Variants in RYR2 observed in about 807,000 individuals in gnomAD.
The protein encoded by RYR2 is cardiac muscle ryanodine receptor-calcium release channel.
Under a neutral mutation model 601.1 loss-of-function variants are expected in RYR2, and 227 were observed. That is an observed-to-expected ratio of 0.38 (90% CI 0.34 to 0.42). The LOEUF (loss-of-function observed/expected upper bound fraction) is 0.42, where lower values mean the gene tolerates loss of function less well. RYR2 is among the 10% of genes least tolerant of loss of function. The probability of loss-of-function intolerance (pLI) is 1.00; values close to 1 mark genes in which losing one functional copy is unlikely to be tolerated. For synonymous variants in RYR2, 2,223 were observed against 2,175.1 expected, an observed-to-expected ratio of 1.02 and a Z score of -0.61; for missense variants, 4,646 against 6,156.5, an observed-to-expected ratio of 0.75 and a Z score of 8.21.
intron 101 of RYR2, among the ~76,000 whole-genome samples, chr1:237,820,581 G>A (rs1662368629): frequency 6.6e-6 from 1 of 152,192 alleles, no homozygotes; most frequent in African/African-American, 2.4e-5. Flanking sequence ...TGGGTTTCAA[G>A]CACAAAACTG....
chr1:237,565,157 C>CTCCTTCTT (rs1671867549), intron 27 of RYR2, among the ~76,000 whole-genome samples: 1 of 52,868 alleles, frequency 1.9e-5, no homozygotes, highest in African/African-American at 4.8e-5. Flanking sequence ...TTCTTTCTTT[C>CTCCTTCTT]TCTTTCTTTC....
rs563091152 is a variant in RYR2 at position 237,503,413 on chromosome 1, A to G, written c.2521A>G (p.Lys841Glu). 13 of 1,613,962 alleles carry G rather than the reference A, an allele frequency of 8.1e-6. No homozygotes were observed. The Admixed American group carries it at 1.3e-4, about 17-fold the overall frequency. The change falls in exon 22 of 105, where the codon AAG (lysine) becomes GAG (glutamate). Residue 841 changes from lysine to glutamate, a missense_variant. By Grantham distance (56) the Lys-to-Glu change is moderately conservative. Around this residue, in one of 17 missense-constraint regions of RYR2, gnomAD observed 1,807 missense variants for 2,088.1 expected, o/e 0.87. Coordinates refer to ENST00000366574, the MANE Select transcript of RYR2 (RefSeq NM_001035.3). The part of the protein sequence containing the change: ...KLKVEHSREY[K>E]QERTYTRDLL... ...GAAAGTGGAACACAGCCGAGAGTAC[A>G]AGCAAGAAAGAACTTACACACGCGA...
At chr1:237,806,347 A>G in intron 99 of RYR2, 64 bp downstream of exon 99, 1 of 1,456,486 alleles carries the variant, frequency 6.9e-7, no homozygotes, top group Non-Finnish European at 9.4e-7. Flanking sequence ...AACAAAGAAA[A>G]ATAAAACTAC....
At chr1:237,204,443 T>G (rs1332176188) in intron 1 of RYR2, among the ~76,000 whole-genome samples, 1 of 152,124 alleles carries the variant, frequency 6.6e-6, no homozygotes, top group Non-Finnish European at 1.5e-5. Flanking sequence ...TGTTGTTGTT[T>G]TTTGACTGTC....
chr1:237,529,760 T>TACACACACACACAC (rs71561882), intron 24 of RYR2, among the ~76,000 whole-genome samples: 6,058 of 134,420 alleles, frequency 0.045, 170 homozygotes, highest in Admixed American at 0.063. Context: ...AATAATATCA[T>TACACACACACACAC]ACACACACAC....
intron 83 of RYR2, 60 bp from the exon 84 acceptor site, chr1:237,760,895 C>T: frequency 9.0e-7 from 1 of 1,104,990 alleles, no homozygotes. Context: ...GTTTGCTCTC[C>T]TGAGCAAAGA....
At chr1:237,385,149 A>C (rs879451349) in intron 8 of RYR2, among the ~76,000 whole-genome samples, 9 of 152,072 alleles carry the variant, frequency 5.9e-5, no homozygotes, top group Non-Finnish European at 1.2e-4. Flanking sequence ...TCAGTCTCCC[A>C]TAGTGCTGTG....
At chr1:237,710,878 A>G (rs1003753477) in intron 70 of RYR2, among the ~76,000 whole-genome samples, 4 of 152,142 alleles carry the variant, frequency 2.6e-5, no homozygotes, top group Non-Finnish European at 5.9e-5. Flanking sequence ...TTCCAGAAGA[A>G]ATCAGTCCAT....
chr1:237,106,435 G>A lies in RYR2; in HGVS notation c.48+63866G>A, dbSNP rs1668692930. On this transcript the variant is annotated intron_variant, in intron 1 of 104. Transcript: ENST00000366574. The surrounding 1 kb of genome is among the most constrained non-coding windows in gnomAD (Gnocchi z 4.4). ...CTGATGAGGGTTGAGAGAGAGAAGG[G>A]GAGTCCGGATCATCCCAAGGTTTCT... Among the ~76,000 whole-genome samples the A allele has an allele frequency of 1.3e-5, 2 of 152,058 alleles. No individual in the cohort carries two copies. The highest frequency in any genetic ancestry group is 1.3e-4 in the Admixed American group (2 of 15,268).
At chr1:237,371,383 C>G (rs1293530495) in intron 6 of RYR2, among the ~76,000 whole-genome samples, 1 of 151,020 alleles carries the variant, frequency 6.6e-6, no homozygotes, top group Admixed American at 6.6e-5. Flanking sequence ...TCTTGAGCTC[C>G]CAGGCTGAAA....
At chr1:237,088,001 A>G (rs1666539706) in intron 1 of RYR2, among the ~76,000 whole-genome samples, 1 of 152,234 alleles carries the variant, frequency 6.6e-6, no homozygotes, top group East Asian at 1.9e-4. Context: ...GCTGAGAACT[A>G]TGTCCTGTAC....
chr1:237,148,527 A>T (rs112592121), intron 1 of RYR2, among the ~76,000 whole-genome samples: 27,294 of 81,094 alleles, frequency 0.34, 3,336 homozygotes, highest in East Asian at 0.47. Flanking sequence ...AAAAAAAAAA[A>T]ATATATATAT....
At chr1:237,826,216 G>A (rs532840434) in intron 101 of RYR2, among the ~76,000 whole-genome samples, 4 of 152,126 alleles carry the variant, frequency 2.6e-5, no homozygotes, top group East Asian at 1.9e-4. Flanking sequence ...ACATGCACAC[G>A]TATGTTTATT....
chr1:237,593,141 A>G (rs1013985827), intron 32 of RYR2, among the ~76,000 whole-genome samples: 12 of 152,186 alleles, frequency 7.9e-5, no homozygotes, highest in Non-Finnish European at 1.5e-4. Flanking sequence ...ATATGTGCAC[A>G]TATATATGTA....
intron 1 of RYR2, among the ~76,000 whole-genome samples, chr1:237,104,300 C>T (rs1668437024): frequency 6.6e-6 from 1 of 152,132 alleles, no homozygotes; most frequent in Non-Finnish European, 1.5e-5. Flanking sequence ...CCAGCTGTCC[C>T]TTTCATTAGG....
intron 1 of RYR2, among the ~76,000 whole-genome samples, chr1:237,121,827 T>A (rs1670813962): frequency 6.6e-6 from 1 of 152,214 alleles, no homozygotes; most frequent in Non-Finnish European, 1.5e-5. Flanking sequence ...TGGAATGTTG[T>A]AGATATGGGA....
chr1:237,652,020 A>G (rs1041950149), intron 51 of RYR2, among the ~76,000 whole-genome samples: 2 of 152,158 alleles, frequency 1.3e-5, no homozygotes, highest in Non-Finnish European at 2.9e-5. Context: ...TGGGTGACAG[A>G]GCGAGACTCC....
intron 10 of RYR2, among the ~76,000 whole-genome samples, chr1:237,392,572 C>G (rs1416491788): frequency 6.6e-6 from 1 of 152,048 alleles, no homozygotes; most frequent in Non-Finnish European, 1.5e-5. Context: ...ATTTTCTGTT[C>G]TAGATTTTGT....
At chr1:237,694,308 AAAG>A (rs1331452106) in intron 63 of RYR2, among the ~76,000 whole-genome samples, 4 of 151,804 alleles carry the variant, frequency 2.6e-5, no homozygotes, top group Admixed American at 2.6e-4. Context: ...AAAAAAAAAA[AAAG>A]AAAAATTACT....
Sources: gnomAD v4.1 joint callset for allele counts (sites outside exome capture counted in the v4.1 genomes callset) on GRCh38, gnomAD v4.1.1 for gene constraint, gnomAD v4.1.1 regional missense constraint, Gnocchi (gnomAD v3.1) non-coding constraint, MANE v1.5 for transcripts, NCBI Gene and HGNC (gene_info 2026-07-23, HGNC 2026-07-21) for gene names.